PRSS12: variants seen among roughly 807,000 people sequenced by gnomAD.
PRSS12 encodes the protein serine protease 12, also known as neurotrypsin.
Under a neutral mutation model 104.4 loss-of-function variants are expected in PRSS12, and 85 were observed. That is an observed-to-expected ratio of 0.81 (90% CI 0.68 to 0.98). The LOEUF is 0.98. PRSS12 is among the 50% of genes least tolerant of loss of function. PRSS12 has a pLI of 0.00. For missense variants in PRSS12, 1,141 were observed against 1,139.2 expected, an observed-to-expected ratio of 1.00 and a Z score of -0.02; for synonymous variants, 454 against 425.2, an observed-to-expected ratio of 1.07 and a Z score of -0.83.
intron 11 of PRSS12, among the ~76,000 whole-genome samples, chr4:118,285,540 A>C (rs1199225565): frequency 6.6e-6 from 1 of 152,178 alleles, no homozygotes; most frequent in Non-Finnish European, 1.5e-5. Flanking sequence ...AATTATCTAG[A>C]GCTGTAGTGC....
chr4:118,294,198 A>G (rs1237887807), intron 11 of PRSS12, among the ~76,000 whole-genome samples: 2 of 152,272 alleles, frequency 1.3e-5, no homozygotes, highest in Non-Finnish European at 2.9e-5. Context: ...AAAACACAAA[A>G]TTAAAATAGT....
chr4:118,298,394 T>C (rs750609083), intron 9 of PRSS12, among the ~76,000 whole-genome samples: 6 of 152,180 alleles, frequency 3.9e-5, no homozygotes, highest in Non-Finnish European at 7.4e-5. Flanking sequence ...TTCCTTTTTA[T>C]GAAGTCATTA....
At chr4:118,313,458 A>G (rs1012065306) in intron 6 of PRSS12, 61 bp from the exon 7 acceptor site, 1 of 1,554,494 alleles carries the variant, frequency 6.4e-7, no homozygotes. Flanking sequence ...GGGAACCACA[A>G]AACATTTAAC....
Position 118,352,292 on chromosome 4 carries a change from G to A in PRSS12, c.429C>T (p.Gly143=). 6.2e-7 allele frequency: 1 copy of A among 1,605,448 alleles called. No individual in the cohort carries two copies. Among genetic ancestry groups the A allele is most frequent in the Non-Finnish European group, 8.5e-7 (1 of 1,177,708 alleles). Residue 143 remains glycine (G), a synonymous_variant, in exon 1 of 13, where the codon GGC becomes GGT. Coordinates refer to ENST00000296498, the MANE Select transcript of PRSS12 (RefSeq NM_003619.4). ...QRHNFCRSPD[G]AGRPWCFYGD... Reference sequence around the variant, plus strand: ...CGTAGAAACACCAGGGTCTGCCCGCGCCGTCGGGGCTCCGACAAAAGTTGT... The same window carrying A: ...CGTAGAAACACCAGGGTCTGCCCGCACCGTCGGGGCTCCGACAAAAGTTGT...
chr4:118,295,147 C>T, intron 10 of PRSS12, 86 bp from the exon 11 acceptor site: 1 of 1,485,326 alleles, frequency 6.7e-7, no homozygotes, highest in Admixed American at 1.9e-5. Context: ...GCTTTAATAA[C>T]TTTAATGCCT....
intron 11 of PRSS12, 112 bp from the exon 12 acceptor site, chr4:118,283,223 G>T: frequency 7.4e-7 from 1 of 1,350,420 alleles, no homozygotes; most frequent in Non-Finnish European, 1.0e-6. Flanking sequence ...AGCCCCTTTT[G>T]TAAATTCAAC....
chr4:118,326,209 TAC>T (rs1723765380), intron 4 of PRSS12, among the ~76,000 whole-genome samples: 1 of 152,202 alleles, frequency 6.6e-6, no homozygotes. Flanking sequence ...TTGTGCCATA[TAC>T]AGAGTTTGTA....
chr4:118,312,889 G>A (rs753879288), intron 7 of PRSS12: 14 of 345,934 alleles, frequency 4.0e-5, no homozygotes, highest in Admixed American at 9.0e-5. Flanking sequence ...ATAAGTGACC[G>A]AGGAGTAAGG....
chr4:118,289,234 C>A (rs906165241), intron 11 of PRSS12, among the ~76,000 whole-genome samples: 3 of 152,136 alleles, frequency 2.0e-5, no homozygotes, highest in Admixed American at 2.0e-4. Flanking sequence ...ATAAAAAGTT[C>A]TAATCCTGTA....
At chr4:118,307,221 A>G (rs1245918962) in intron 8 of PRSS12, among the ~76,000 whole-genome samples, 1 of 152,150 alleles carries the variant, frequency 6.6e-6, no homozygotes, top group Non-Finnish European at 1.5e-5. Context: ...TCACAAATGA[A>G]GGATTAATTG....
intron 4 of PRSS12, among the ~76,000 whole-genome samples, chr4:118,323,772 ACTC>A (rs1164114332): frequency 2.6e-5 from 4 of 151,842 alleles, no homozygotes; most frequent in Non-Finnish European, 4.4e-5. Context: ...GCAAAAAAAA[ACTC>A]CTAGAAATGA....
chr4:118,285,457 C>T (rs1019977091), intron 11 of PRSS12, among the ~76,000 whole-genome samples: 1 of 152,130 alleles, frequency 6.6e-6, no homozygotes, highest in African/African-American at 2.4e-5. Flanking sequence ...ACTTTTCCCA[C>T]AAGAATTATT....
intron 9 of PRSS12, among the ~76,000 whole-genome samples, chr4:118,298,337 G>C (rs1169601627): frequency 6.6e-6 from 1 of 151,938 alleles, no homozygotes; most frequent in Non-Finnish European, 1.5e-5. Flanking sequence ...TAAAATATTA[G>C]TAAGACTTTA....
At chr4:118,322,344 A>G (rs1306852166) in intron 4 of PRSS12, among the ~76,000 whole-genome samples, 3 of 152,050 alleles carry the variant, frequency 2.0e-5, no homozygotes, top group African/African-American at 7.2e-5. Context: ...GAGGTCAGGA[A>G]TTTGAGACCA....
chr4:118,328,601 G>T (rs970300746), intron 4 of PRSS12, among the ~76,000 whole-genome samples: 1 of 151,210 alleles, frequency 6.6e-6, no homozygotes, highest in Admixed American at 6.6e-5. Flanking sequence ...AAAAAAAAAA[G>T]AACTCTACAT....
At chr4:118,293,447 A>G (rs2126027793) in intron 11 of PRSS12, among the ~76,000 whole-genome samples, 1 of 152,294 alleles carries the variant, frequency 6.6e-6, no homozygotes, top group East Asian at 1.9e-4. Context: ...TGACACTTTT[A>G]AATATATGAA....
intron 8 of PRSS12, among the ~76,000 whole-genome samples, chr4:118,307,186 A>G (rs1052064007): frequency 1.3e-5 from 2 of 152,192 alleles, no homozygotes; most frequent in African/African-American, 2.4e-5. Context: ...TTACTGCCCC[A>G]TATTTTGAAA....
intron 4 of PRSS12, among the ~76,000 whole-genome samples, chr4:118,327,087 G>A (rs1295568531): frequency 6.6e-6 from 1 of 152,148 alleles, no homozygotes; most frequent in Non-Finnish European, 1.5e-5. Flanking sequence ...GCGGGCTGTG[G>A]GTTGGACAAG....
At chr4:118,301,154 A>G (rs976024263) in intron 8 of PRSS12, among the ~76,000 whole-genome samples, 4 of 152,092 alleles carry the variant, frequency 2.6e-5, no homozygotes, top group African/African-American at 9.7e-5. Flanking sequence ...TTAGTAAGAA[A>G]TCTAGCTTTA....
Sources: allele counts gnomAD v4.1 joint callset (sites outside exome capture counted in the v4.1 genomes callset), GRCh38; gene constraint gnomAD v4.1.1; transcripts MANE v1.5; gene names NCBI Gene and HGNC (gene_info 2026-07-23, HGNC 2026-07-21).